The following P4HA1 variants were observed in gnomAD, a reference collection of about 807,000 sequenced individuals.
P4HA1 encodes the protein prolyl 4-hydroxylase subunit alpha 1, also known as prolyl 4-hydroxylase subunit alpha-1.
A neutral mutation model predicts 72.8 loss-of-function variants in P4HA1; 24 were observed. The ratio of observed to expected loss-of-function variants is 0.33; its 90% CI spans 0.24 to 0.46. P4HA1 has a LOEUF of 0.46. Ranked by LOEUF, P4HA1 falls within the 20% of genes least tolerant of loss-of-function variation. The pLI is 1.00. For synonymous variants in P4HA1, 201 were observed against 218.8 expected, an observed-to-expected ratio of 0.92 and a Z score of 0.72; for missense variants, 446 against 640.6, an observed-to-expected ratio of 0.70 and a Z score of 3.28.
intron 5 of P4HA1, among the ~76,000 whole-genome samples, chr10:73,054,585 G>C (rs1009608526): frequency 6.6e-6 from 1 of 152,282 alleles, no homozygotes; most frequent in African/African-American, 2.4e-5. Context: ...GTTTCTATGT[G>C]AACATGTTTT....
At chr10:73,030,584 A>ATTT (rs1373539225) in intron 9 of P4HA1, among the ~76,000 whole-genome samples, 1 of 152,136 alleles carries the variant, frequency 6.6e-6, no homozygotes, top group East Asian at 1.9e-4. Flanking sequence ...GGAAGGAAAA[A>ATTT]ACTAATCAAA....
At chr10:73,009,941 A>C in intron 13 of P4HA1, 38 bp from the exon 14 acceptor site, 2 of 1,088,036 alleles carry the variant, frequency 1.8e-6, no homozygotes, top group Non-Finnish European at 1.4e-6. Flanking sequence ...CAAGTATACA[A>C]TGCCAGGTAA....
chr10:73,089,370 G>C (rs939445839), intron 1 of P4HA1, among the ~76,000 whole-genome samples: 2 of 152,110 alleles, frequency 1.3e-5, no homozygotes, highest in Admixed American at 6.5e-5. Context: ...TCTGTGAATA[G>C]AAACTGCTCT....
chr10:73,095,522 TAA>T (rs3065972), intron 1 of P4HA1, among the ~76,000 whole-genome samples: 14,248 of 133,408 alleles, frequency 0.11, 988 homozygotes, highest in East Asian at 0.31. Flanking sequence ...ACCAGAACTT[TAA>T]AAAAAAAAAA....
intron 1 of P4HA1, among the ~76,000 whole-genome samples, chr10:73,095,367 A>T (rs1379065428): frequency 6.6e-6 from 1 of 151,774 alleles, no homozygotes; most frequent in East Asian, 1.9e-4. Flanking sequence ...TAGAAACTTG[A>T]TTCTAAAAAT....
intron 10 of P4HA1, among the ~76,000 whole-genome samples, chr10:73,027,538 G>T (rs1840307325): frequency 6.8e-6 from 1 of 146,092 alleles, no homozygotes; most frequent in Admixed American, 7.1e-5. Flanking sequence ...CATGGCACAT[G>T]TATACCTATG....
At chr10:73,069,068 C>CCT in intron 4 of P4HA1, 85 bp from the exon 5 acceptor site, 1 of 1,044,398 alleles carries the variant, frequency 9.6e-7, no homozygotes, top group Non-Finnish European at 1.4e-6. Flanking sequence ...TGTTCAAAAT[C>CCT]TATTTTATTA....
chr10:73,046,091 G>C (rs145837143), intron 8 of P4HA1, among the ~76,000 whole-genome samples: 59 of 152,232 alleles, frequency 3.9e-4, no homozygotes, highest in African/African-American at 1.4e-3. Context: ...TTCTTTGGCT[G>C]CTTTTGCACT....
chr10:73,033,545 C>G (rs1405590665), intron 9 of P4HA1, among the ~76,000 whole-genome samples: 3 of 152,118 alleles, frequency 2.0e-5, no homozygotes, highest in African/African-American at 7.2e-5. Context: ...CTCCTGCTAC[C>G]AAGAAAAATA....
At chr10:73,040,964 G>C (rs1482326413) in intron 9 of P4HA1, among the ~76,000 whole-genome samples, 1 of 152,046 alleles carries the variant, frequency 6.6e-6, no homozygotes, top group Non-Finnish European at 1.5e-5. Context: ...TGGAAAATTA[G>C]CTTAATGTAA....
At chr10:73,021,183 T>A (rs905807652) in intron 10 of P4HA1, among the ~76,000 whole-genome samples, 26 of 151,952 alleles carry the variant, frequency 1.7e-4, no homozygotes, top group African/African-American at 5.6e-4. Flanking sequence ...CTGGCAAGGA[T>A]GAAGAGAAAG....
chr10:73,032,925 T>C lies in P4HA1; in HGVS notation c.1149-2555A>G, dbSNP rs562154678. On this transcript the variant is annotated intron_variant, in intron 9 of 14. Transcript: ENST00000394890. ...TTAGATTTATCCTATATTACTAAAATTATTTGCTTGGTGATATCTTGCAAA... is the reference window on the plus strand; with the variant it reads ...TTAGATTTATCCTATATTACTAAAACTATTTGCTTGGTGATATCTTGCAAA... Among the ~76,000 whole-genome samples the C allele has an allele frequency of 1.6e-3, 248 of 152,238 alleles. 4 individuals are homozygous for C. The highest frequency in any genetic ancestry group is 2.9e-4 in the Non-Finnish European group (20 of 68,044).
chr10:73,043,508 T>TA (rs1320337415), intron 9 of P4HA1, among the ~76,000 whole-genome samples: 2 of 152,218 alleles, frequency 1.3e-5, no homozygotes, highest in Non-Finnish European at 2.9e-5. Context: ...TAAAGGCACT[T>TA]ACTTACGCAA....
chr10:73,038,215 A>G (rs964408471), intron 9 of P4HA1, among the ~76,000 whole-genome samples: 2 of 152,204 alleles, frequency 1.3e-5, no homozygotes, highest in Non-Finnish European at 2.9e-5. Context: ...TGACTGTGCC[A>G]CTGCACTCCA....
intron 9 of P4HA1, among the ~76,000 whole-genome samples, chr10:73,034,006 TCAAGACCAGTCTCGGCAACCTAG>T (rs1480120490): frequency 6.6e-6 from 1 of 152,044 alleles, no homozygotes; most frequent in African/African-American, 2.4e-5. Context: ...TCACTTGAGT[TCAAGACCAGTCTCGGCAACCTAG>T]CAAGACCCTG....
intron 5 of P4HA1, among the ~76,000 whole-genome samples, chr10:73,061,608 T>A (rs936349959): frequency 2.0e-5 from 3 of 152,112 alleles, no homozygotes; most frequent in Non-Finnish European, 2.9e-5. Flanking sequence ...GTTACTTTTT[T>A]AAAAAGACCA....
At chr10:73,013,443 A>G (rs1235132172) in intron 12 of P4HA1, among the ~76,000 whole-genome samples, 2 of 152,368 alleles carry the variant, frequency 1.3e-5, no homozygotes, top group African/African-American at 4.8e-5. Context: ...TCTGGCTGAC[A>G]GCCAGCCTCA....
At chr10:73,084,898 G>C (rs1478564715) in intron 1 of P4HA1, among the ~76,000 whole-genome samples, 1 of 152,272 alleles carries the variant, frequency 6.6e-6, no homozygotes, top group African/African-American at 2.4e-5. Context: ...CCAGCACTTT[G>C]GGAGGCCAAG....
At chr10:73,071,904 CCCAGGCATAAT>C in intron 4 of P4HA1, 114 bp downstream of exon 4, 1 of 619,824 alleles carries the variant, frequency 1.6e-6, no homozygotes, top group East Asian at 2.7e-5. Context: ...ACCAAATGCA[CCCAGGCATAAT>C]CCAGTTACAA....
Sources: allele counts gnomAD v4.1 joint callset (sites outside exome capture counted in the v4.1 genomes callset), GRCh38; gene constraint gnomAD v4.1.1; transcripts MANE v1.5; gene names NCBI Gene and HGNC (gene_info 2026-07-23, HGNC 2026-07-21).